TNR: variants seen among roughly 807,000 people sequenced by gnomAD.
TNR encodes tenascin R.
Under a neutral mutation model 150.4 loss-of-function variants are expected in TNR, and 45 were observed. That is an observed-to-expected ratio of 0.30 (90% CI 0.24 to 0.38). The LOEUF is 0.38. TNR is among the 10% of genes least tolerant of loss of function. TNR has a pLI of 1.00. For missense variants in TNR, 1,544 were observed against 1,759.1 expected (o/e 0.88, Z 2.19); for synonymous variants, 687 against 678.4 (o/e 1.01, Z -0.20).
chr1:175,572,604 A>G (rs1211960207), intron 1 of TNR, among the ~76,000 whole-genome samples: 1 of 152,160 alleles, frequency 6.6e-6, no homozygotes, highest in Non-Finnish European at 1.5e-5. Flanking sequence ...GTTCAAGTAC[A>G]AAAGTACAGG....
chr1:175,665,876 T>C (rs1021884483), intron 1 of TNR, among the ~76,000 whole-genome samples: 2 of 152,144 alleles, frequency 1.3e-5, no homozygotes, highest in South Asian at 4.1e-4. Context: ...AAGGGACAGG[T>C]ATGTCTGAGT....
At chr1:175,454,909 G>A (rs187883094) in intron 2 of TNR, among the ~76,000 whole-genome samples, 22 of 152,300 alleles carry the variant, frequency 1.4e-4, no homozygotes, top group Admixed American at 1.2e-3. Context: ...TCCCATCATA[G>A]GTGGGGTCTA....
At position 175,386,189 on chromosome 1, in the gene TNR, C is replaced by A. The variant is rs769884321; in HGVS notation, c.1620G>T (p.Leu540=). ...TGGTCCTCCCACCTTCCCCGCCCAC[C>A]AGGCCATATTTCAAAAGAATGAAAT... ...KVDFILLKYG[L]VGGEGGRTTF... The change falls in exon 8 of 23, where the codon CTG becomes CTT. Residue 540 remains leucine, a synonymous_variant. Transcript: ENST00000367674. The A allele has an allele frequency of 4.3e-6, 7 of 1,612,366 alleles. No homozygotes were observed. The Admixed American group carries it at 5.0e-5, about 12-fold the overall frequency.
At chr1:175,616,179 G>T (rs958793309) in intron 1 of TNR, among the ~76,000 whole-genome samples, 5 of 152,138 alleles carry the variant, frequency 3.3e-5, no homozygotes, top group Non-Finnish European at 7.3e-5. Context: ...GATTCCAGGG[G>T]TTCTGTTCAG....
intron 5 of TNR, among the ~76,000 whole-genome samples, chr1:175,394,128 A>ATAAACAAT (rs1296965863): frequency 6.6e-6 from 1 of 152,260 alleles, no homozygotes; most frequent in Non-Finnish European, 1.5e-5. Flanking sequence ...CACAATCTAT[A>ATAAACAAT]TAAACAATTT....
chr1:175,526,852 A>T (rs1214950521), intron 2 of TNR, among the ~76,000 whole-genome samples: 1 of 152,210 alleles, frequency 6.6e-6, no homozygotes, highest in Non-Finnish European at 1.5e-5. Flanking sequence ...AAGCCATGCT[A>T]GTGAAAAGTG....
At chr1:175,689,356 T>TTAATC (rs1278726038) in intron 1 of TNR, among the ~76,000 whole-genome samples, 2 of 151,222 alleles carry the variant, frequency 1.3e-5, no homozygotes, top group Non-Finnish European at 2.9e-5. Context: ...ACCGAATACC[T>TTAATC]TAATCTACCC....
intron 2 of TNR, among the ~76,000 whole-genome samples, chr1:175,518,046 GTAAA>G (rs371075885): frequency 1.3e-5 from 2 of 152,146 alleles, no homozygotes; most frequent in African/African-American, 4.8e-5. Context: ...GATGGTTTAA[GTAAA>G]TAAATAAATA....
chr1:175,679,459 T>A (rs1665965329), intron 1 of TNR, among the ~76,000 whole-genome samples: 1 of 152,202 alleles, frequency 6.6e-6, no homozygotes, highest in African/African-American at 2.4e-5. Context: ...GAAGACATGA[T>A]CCCTGTGTTC....
chr1:175,684,788 C>T (rs969690688), intron 1 of TNR, among the ~76,000 whole-genome samples: 1 of 152,164 alleles, frequency 6.6e-6, no homozygotes, highest in Admixed American at 6.5e-5. Flanking sequence ...TGACAGTATA[C>T]ATGATCATAT....
At chr1:175,375,651 C>T (rs1011218127) in intron 9 of TNR, among the ~76,000 whole-genome samples, 1 of 152,064 alleles carries the variant, frequency 6.6e-6, no homozygotes, top group African/African-American at 2.4e-5. Context: ...AAAATGGTGG[C>T]CTCAGAGACA....
At chr1:175,404,892 T>C (rs1319885887) in intron 3 of TNR, among the ~76,000 whole-genome samples, 1 of 152,160 alleles carries the variant, frequency 6.6e-6, no homozygotes, top group Non-Finnish European at 1.5e-5. Flanking sequence ...TTATTTATAG[T>C]GTTGGTTATT....
intron 1 of TNR, among the ~76,000 whole-genome samples, chr1:175,707,089 G>A (rs1175797812): frequency 1.3e-5 from 2 of 152,108 alleles, no homozygotes; most frequent in Non-Finnish European, 2.9e-5. Context: ...TGATACATTA[G>A]GGTATTTCTA....
intron 2 of TNR, among the ~76,000 whole-genome samples, chr1:175,460,581 G>C (rs560627482): frequency 4.1e-4 from 63 of 152,318 alleles, no homozygotes; most frequent in Admixed American, 1.2e-3. Flanking sequence ...TTTACAATGT[G>C]TTTTGGCTTA....
intron 19 of TNR, among the ~76,000 whole-genome samples, chr1:175,336,188 C>A (rs1430998295): frequency 6.6e-6 from 1 of 152,180 alleles, no homozygotes; most frequent in Non-Finnish European, 1.5e-5. Context: ...CATTTCTCAC[C>A]AAAAGAACAG....
At chr1:175,447,822 A>G (rs951993189) in intron 2 of TNR, among the ~76,000 whole-genome samples, 2 of 152,208 alleles carry the variant, frequency 1.3e-5, no homozygotes, top group African/African-American at 4.8e-5. Context: ...TCCTCAGTTA[A>G]TATCACCAAA....
At chr1:175,719,507 A>G (rs1403565685) in intron 1 of TNR, among the ~76,000 whole-genome samples, 3 of 152,242 alleles carry the variant, frequency 2.0e-5, no homozygotes, top group South Asian at 2.1e-4. Context: ...CAGTTTTCCA[A>G]TGAAAATGAG....
intron 11 of TNR, 37 bp downstream of exon 11, chr1:175,365,838 T>A: frequency 6.3e-7 from 1 of 1,599,418 alleles, no homozygotes; most frequent in Non-Finnish European, 8.5e-7. Flanking sequence ...GATCCACTGA[T>A]CCCTGAACCT....
intron 18 of TNR, among the ~76,000 whole-genome samples, chr1:175,348,567 A>G (rs1223818131): frequency 6.6e-6 from 1 of 152,236 alleles, no homozygotes; most frequent in African/African-American, 2.4e-5. Context: ...ATGGAATACC[A>G]TATGGAAAAA....
Sources: gnomAD v4.1 joint callset for allele counts (sites outside exome capture counted in the v4.1 genomes callset) on GRCh38, gnomAD v4.1.1 for gene constraint, MANE v1.5 for transcripts, NCBI Gene and HGNC (gene_info 2026-07-23, HGNC 2026-07-21) for gene names.